The following FLAD1 variants were observed in gnomAD, a reference collection of about 807,000 sequenced individuals.
The protein encoded by FLAD1 is bifunctional FAD diphosphatase/FAD synthase.
In FLAD1, 35 loss-of-function variants were observed where a neutral mutation model predicts 55.0. That is an observed-to-expected ratio of 0.64 (90% CI 0.49 to 0.84). The LOEUF (loss-of-function observed/expected upper bound fraction) is 0.84, where lower values mean the gene tolerates loss of function less well. Ranked by LOEUF, FLAD1 falls within the 40% of genes least tolerant of loss-of-function variation. The pLI is 0.00. For missense variants in FLAD1, 665 were observed against 742.6 expected (o/e 0.90, Z 1.21); for synonymous variants, 267 against 303.0 (o/e 0.88, Z 1.23).
chr1:154,987,853 A>G (rs965613054), intron 1 of FLAD1: 1 of 1,145,788 alleles, frequency 8.7e-7, no homozygotes, highest in Non-Finnish European at 1.2e-6. Flanking sequence ...TGGCCCTTGA[A>G]GCCAGGAGGT....
At chr1:154,986,704 C>CCTTT (rs1657626991) in intron 1 of FLAD1, among the ~76,000 whole-genome samples, 123 of 91,766 alleles carry the variant, frequency 1.3e-3, no homozygotes, top group African/African-American at 4.4e-3. Context: ...GCCCCCCACC[C>CCTTT]TTTTTTTTTT....
At chr1:154,992,617 A>T (rs758926695) in intron 5 of FLAD1, 96 bp from the exon 6 acceptor site, 2 of 1,614,040 alleles carry the variant, frequency 1.2e-6, no homozygotes, top group Admixed American at 3.3e-5. Context: ...AGGCCAAGGG[A>T]GCAGAAGAGC....
Position 154,983,934 on chromosome 1 carries a change from GGGT to G in FLAD1, c.241_243del (p.Gly81del). On this transcript the variant is annotated inframe_deletion, in exon 1 of 7. Coordinates refer to ENST00000292180, the MANE Select transcript of FLAD1 (RefSeq NM_025207.5). ...CCCCGTGCTTGCGACCCCTATTTGG[GGGT>G]CTGGGTGGCTACTGGAGGGCCTTGC... 1 of 1,606,642 alleles carries G rather than the reference GGGT, an allele frequency of 6.2e-7. No individual in the cohort carries two copies. Among genetic ancestry groups the G allele is most frequent in the African/African-American group, 1.3e-5 (1 of 74,712 alleles).
intron 1 of FLAD1, among the ~76,000 whole-genome samples, chr1:154,986,437 C>A (rs1355513491): frequency 6.6e-6 from 1 of 152,036 alleles, no homozygotes; most frequent in East Asian, 1.9e-4. Flanking sequence ...AGGCTGGTGA[C>A]CCCTATATTT....
intron 4 of FLAD1, 30 bp downstream of exon 4, chr1:154,990,287 A>G: frequency 6.2e-7 from 1 of 1,613,346 alleles, no homozygotes; most frequent in Non-Finnish European, 8.5e-7. Context: ...TTGGGCTCCA[A>G]GAGAAGCTTG....
Position 154,988,609 on chromosome 1 carries a change from A to G in FLAD1, c.877A>G (p.Ile293Val). ...ATATGTGGCTGCTGATGAAGCCTCCATCGCCCCCATTCTGGCTGAGGCCCA... is the reference window on the plus strand; with the variant it reads ...ATATGTGGCTGCTGATGAAGCCTCCGTCGCCCCCATTCTGGCTGAGGCCCA... ...ELYVAADEAS[I>V]APILAEAQAH... The change falls in exon 2 of 7, where the codon ATC becomes GTC. Residue 293 changes from isoleucine to valine, a missense_variant. By Grantham distance (29) the Ile-to-Val change is conservative. Coordinates refer to ENST00000292180, the MANE Select transcript of FLAD1 (RefSeq NM_025207.5). 6.2e-7 allele frequency: 1 copy of G among 1,614,194 alleles called. No individual in the cohort carries two copies. The highest frequency in any genetic ancestry group is 8.5e-7 in the Non-Finnish European group (1 of 1,180,030).
chr1:154,987,609 T>A (rs1272798831), intron 1 of FLAD1: 1 of 187,778 alleles, frequency 5.3e-6, no homozygotes, highest in Non-Finnish European at 1.1e-5. Context: ...AGGTGAAAGG[T>A]GCTAAGGACC....
At chr1:154,991,228 ATATATATATATATG>A (rs1657851373) in intron 5 of FLAD1, 2 of 115,118 alleles carry the variant, frequency 1.7e-5, no homozygotes, top group African/African-American at 3.4e-5. Flanking sequence ...AAAAAAAAAT[ATATATATATATATG>A]TATATATATA....
At chr1:154,991,978 T>TA (rs34044236) in intron 5 of FLAD1, among the ~76,000 whole-genome samples, 1 of 149,202 alleles carries the variant, frequency 6.7e-6, no homozygotes. Flanking sequence ...CCATCTCTAC[T>TA]AAAAAAATAC....
chr1:154,987,419 AG>A (rs978096351), intron 1 of FLAD1: 4 of 153,666 alleles, frequency 2.6e-5, no homozygotes, highest in African/African-American at 9.6e-5. Flanking sequence ...CGCCACAGAC[AG>A]CCCCAAATAC....
At chr1:154,990,081 A>G in intron 3 of FLAD1, 78 bp from the exon 4 acceptor site, 1 of 1,191,568 alleles carries the variant, frequency 8.4e-7, no homozygotes, top group Non-Finnish European at 1.2e-6. Flanking sequence ...CTAGGGGCCA[A>G]CGAGAACAGT....
intron 2 of FLAD1, 22 bp downstream of exon 2, chr1:154,988,871 G>A (rs776295354): frequency 3.1e-6 from 5 of 1,613,720 alleles, no homozygotes; most frequent in East Asian, 2.2e-5. Flanking sequence ...ATGGAGGAGG[G>A]GCATTATGCC....
Position 154,990,219 on chromosome 1 carries a change from C to T in FLAD1, c.1326C>T (p.Phe442=), listed in dbSNP as rs768792303. The part of the protein sequence containing the change: ...QILYIRSISP[F]PELEQFLQDT... ...TGTATATCCGCAGCATCTCCCCTTT[C>T]CCTGAGCTGGAACAGTTTCTACAGG... The change falls in exon 4 of 7, where the codon TTC becomes TTT. Residue 442 remains phenylalanine (F), a synonymous_variant. Coordinates refer to ENST00000292180, the MANE Select transcript of FLAD1 (RefSeq NM_025207.5). The T allele has an allele frequency of 6.2e-7, 1 of 1,614,178 alleles. No homozygotes were observed. Among genetic ancestry groups the T allele is most frequent in the Non-Finnish European group, 8.5e-7 (1 of 1,180,016 alleles).
At chr1:154,984,113 C>T (rs1176359881) in intron 1 of FLAD1, 47 bp downstream of exon 1, 1 of 1,434,670 alleles carries the variant, frequency 7.0e-7, no homozygotes, top group African/African-American at 1.4e-5. Flanking sequence ...TTCTCCTGTC[C>T]TTAAGGGCCT....
chr1:154,987,031 C>CT (rs11295595), intron 1 of FLAD1, among the ~76,000 whole-genome samples: 50 of 144,310 alleles, frequency 3.5e-4, no homozygotes, highest in South Asian at 4.3e-4. Context: ...AACACAGACC[C>CT]TTTTTTTTTT....
In FLAD1 at chr1:154,983,658, T is replaced by C; in HGVS notation, c.-37T>C. The C allele has an allele frequency of 6.4e-7, 1 of 1,565,110 alleles. No homozygotes were observed. Among genetic ancestry groups the C allele is most frequent in the Non-Finnish European group, 8.7e-7 (1 of 1,154,480 alleles). ...GGTAGGTTCTCAAGAGAGAAGAAGT[T>C]TTTAAGACTAGAGCTAAGCAAGACA... On this transcript the variant is annotated 5_prime_UTR_variant, in exon 1 of 7. Coordinates refer to ENST00000292180, the MANE Select transcript of FLAD1 (RefSeq NM_025207.5).
rs200580140 is a variant in FLAD1, at chr1:154,988,608, C to T, written c.876C>T (p.Ser292=). The part of the protein sequence containing the change: ...KELYVAADEA[S]IAPILAEAQA... ...TATATGTGGCTGCTGATGAAGCCTC[C>T]ATCGCCCCCATTCTGGCTGAGGCCC... is the stretch of plus-strand genomic sequence containing the variant. The change falls in exon 2 of 7, where the codon TCC becomes TCT. Residue 292 remains serine (S), a synonymous_variant. Transcript: ENST00000292180. The T allele has an allele frequency of 6.8e-6, 11 of 1,614,230 alleles. 1 individual carries two copies. The East Asian group carries it at 1.6e-4, about 23-fold the overall frequency.
rs761280560 is a variant in FLAD1 at position 154,992,757 on chromosome 1, T to C, written c.1599T>C (p.Phe533=). 9.9e-6 allele frequency: 16 copies of C among 1,614,044 alleles called. No individual in the cohort carries two copies. The highest frequency in any genetic ancestry group is 3.3e-5 in the Admixed American group (2 of 60,010). Residue 533 remains phenylalanine, a synonymous_variant, in exon 6 of 7, where the codon TTT becomes TTC. Coordinates refer to ENST00000292180, the MANE Select transcript of FLAD1 (RefSeq NM_025207.5). ...TCTGGGATTTTCTGCGTCAGCTGTT[T>C]GTCCCATACTGTATCCTGTATGACC... ...RDIWDFLRQL[F]VPYCILYDRG...
At chr1:154,985,964 GA>G (rs1466471581) in intron 1 of FLAD1, among the ~76,000 whole-genome samples, 1 of 151,522 alleles carries the variant, frequency 6.6e-6, no homozygotes, top group Non-Finnish European at 1.5e-5. Flanking sequence ...GACCTCAGGT[GA>G]TCCACCCGCT....
Sources: gnomAD v4.1 joint callset for allele counts (sites outside exome capture counted in the v4.1 genomes callset) on GRCh38, gnomAD v4.1.1 for gene constraint, MANE v1.5 for transcripts, NCBI Gene and HGNC (gene_info 2026-07-23, HGNC 2026-07-21) for gene names.